DAB2: variants seen among roughly 807,000 people sequenced by gnomAD.
DAB2 encodes the protein disabled homolog 2.
Under a neutral mutation model 71.6 loss-of-function variants are expected in DAB2, and 28 were observed. The observed-to-expected ratio is 0.39, with a 90% CI of 0.29 to 0.54. The LOEUF is 0.54. Among genes scored for constraint, DAB2 ranks in the 20% least tolerant of loss-of-function variants. DAB2 has a pLI of 0.68. For missense variants in DAB2, 867 were observed against 928.8 expected, an observed-to-expected ratio of 0.93 and a Z score of 0.86; for synonymous variants, 345 against 339.7, an observed-to-expected ratio of 1.02 and a Z score of -0.17.
intron 1 of DAB2, among the ~76,000 whole-genome samples, chr5:39,399,030 G>C (rs775355916): frequency 1.3e-5 from 2 of 152,176 alleles, no homozygotes; most frequent in Non-Finnish European, 2.9e-5. Flanking sequence ...AGGACCAAAA[G>C]TCCCCTAGTT....
At chr5:39,417,153 G>C (rs1306732277) in intron 1 of DAB2, 2 of 151,972 alleles carry the variant, frequency 1.3e-5, no homozygotes, top group Non-Finnish European at 2.9e-5. Flanking sequence ...GCGCCTGGTT[G>C]GGGGGTAAGG....
In DAB2 at chr5:39,376,637, G is replaced by C; in HGVS notation, c.2137+13C>G. On this transcript the variant is annotated intron_variant, in intron 12 of 14. Transcript: ENST00000320816. The stretch of plus-strand genomic sequence containing the variant: ...AGTTGTTGGAACAGTAGGCAGAGTG[G>C]TGAGTGGCTTACCATTGATCTTGTT... 6.2e-7 allele frequency: 1 copy of C among 1,611,842 alleles called. No homozygotes were observed. The highest frequency in any genetic ancestry group is 1.1e-5 in the South Asian group (1 of 90,938).
rs187070924 is a variant in DAB2 at position 39,422,869 on chromosome 5, A to T, written c.-102+1935T>A. 3.7e-4 allele frequency among the ~76,000 whole-genome samples: 56 copies of T among 152,346 alleles called. No homozygotes were observed. Among genetic ancestry groups the T allele is most frequent in the Admixed American group, 5.9e-4 (9 of 15,300 alleles). On this transcript the variant is annotated intron_variant, in intron 1 of 14. Transcript: ENST00000320816. This position sits in a 1 kb window ranked among gnomAD's most constrained non-coding sequence, Gnocchi z 4.1. ...CACAGGAATTTGGACTTCCAGTTTA[A>T]TCTGAAACTATAAAAGTCTTTAGCA... is the stretch of plus-strand genomic sequence containing the variant.
At chr5:39,374,888 C>T (rs1031627277) in intron 14 of DAB2, 126 bp downstream of exon 14, 13 of 680,618 alleles carry the variant, frequency 1.9e-5, no homozygotes, top group South Asian at 1.2e-4. Context: ...ATTTTCCTGT[C>T]GATTACTCCT....
intron 1 of DAB2, among the ~76,000 whole-genome samples, chr5:39,406,692 C>T (rs1755616806): frequency 6.6e-6 from 1 of 152,080 alleles, no homozygotes; most frequent in African/African-American, 2.4e-5. Context: ...AGAATAAACC[C>T]GTTTTAAAAT....
chr5:39,391,611 A>G (rs1003769686), intron 4 of DAB2, among the ~76,000 whole-genome samples: 1 of 152,168 alleles, frequency 6.6e-6, no homozygotes, highest in African/African-American at 2.4e-5. Flanking sequence ...AGTATTTTAT[A>G]GCAATGAAAA....
At chr5:39,398,792 C>T (rs1755435878) in intron 1 of DAB2, among the ~76,000 whole-genome samples, 3 of 152,166 alleles carry the variant, frequency 2.0e-5, no homozygotes, top group African/African-American at 4.8e-5. Flanking sequence ...AAGAGCACGT[C>T]CCCATCATAG....
At chr5:39,419,105 G>A (rs1309952559) in intron 1 of DAB2, among the ~76,000 whole-genome samples, 2 of 152,182 alleles carry the variant, frequency 1.3e-5, no homozygotes, top group Non-Finnish European at 2.9e-5. Flanking sequence ...TGTGATCTCT[G>A]TTTGACATCA....
Position 39,376,064 on chromosome 5 carries a change from G to T in DAB2, c.2180C>A (p.Thr727Asn). ...CTCAAATGCATTGTCAGTAGATTTGGTAACTGGCAGGGAAACTTGTCTGGG... is the reference window on the plus strand; with the variant it reads ...CTCAAATGCATTGTCAGTAGATTTGTTAACTGGCAGGGAAACTTGTCTGGG... The part of the protein sequence containing the change: ...PAPRQVSLPV[T>N]KSTDNAFENP... The change falls in exon 13 of 15, where the codon ACC becomes AAC. Residue 727 changes from threonine to asparagine, a missense_variant. Physicochemically the swap from Thr to Asn is moderately conservative, Grantham distance 65 (BLOSUM62 0). Transcript: ENST00000320816. The T allele has an allele frequency of 6.2e-7, 1 of 1,614,068 alleles. No individual in the cohort carries two copies. Among genetic ancestry groups the T allele is most frequent in the Non-Finnish European group, 8.5e-7 (1 of 1,179,978 alleles).
At chr5:39,379,667 T>C (rs1043258596) in intron 11 of DAB2, among the ~76,000 whole-genome samples, 5 of 152,012 alleles carry the variant, frequency 3.3e-5, no homozygotes, top group Non-Finnish European at 7.4e-5. Flanking sequence ...TGAGGCTAGA[T>C]TAAAATACAA....
At chr5:39,389,357 G>A (rs1755171299) in intron 6 of DAB2, among the ~76,000 whole-genome samples, 2 of 151,460 alleles carry the variant, frequency 1.3e-5, no homozygotes, top group African/African-American at 4.9e-5. Context: ...CTCATAGAGA[G>A]AAAAAAAATA....
intron 10 of DAB2, 62 bp downstream of exon 10, chr5:39,382,556 C>A: frequency 6.7e-7 from 1 of 1,493,110 alleles, no homozygotes; most frequent in Non-Finnish European, 9.2e-7. Context: ...GAGCTTGCAT[C>A]ACACCACCCT....
At chr5:39,380,398 G>A (rs1312905180) in intron 11 of DAB2, among the ~76,000 whole-genome samples, 1 of 152,170 alleles carries the variant, frequency 6.6e-6, no homozygotes, top group Non-Finnish European at 1.5e-5. Flanking sequence ...AACAAAACAA[G>A]GATCCTGATG....
chr5:39,375,752 G>A (rs1754811476), intron 13 of DAB2, among the ~76,000 whole-genome samples: 1 of 152,082 alleles, frequency 6.6e-6, no homozygotes, highest in Non-Finnish European at 1.5e-5. Flanking sequence ...CAGGTGTGGT[G>A]GCACGTGCCT....
At position 39,381,588 on chromosome 5, in the gene DAB2, T is replaced by A; in HGVS notation, c.1370A>T (p.Asp457Val). 1 of 1,613,958 alleles carries A rather than the reference T, an allele frequency of 6.2e-7. No homozygotes were observed. Among genetic ancestry groups the A allele is most frequent in the Non-Finnish European group, 8.5e-7 (1 of 1,179,936 alleles). ...KSSANDLLAS[D>V]IFAPPVSEPS... The stretch of plus-strand genomic sequence containing the variant: ...TTCTGAGACGGGAGGAGCAAAGATG[T>A]CTGATGCAAGCAAGTCATTGGCTGA... Residue 457 changes from aspartate (D) to valine (V), a missense_variant, in exon 11 of 15, where the codon GAC becomes GTC. This residue lies in a region of DAB2 where 740 missense variants were observed against 734.3 expected (regional missense o/e 1.01). Transcript: ENST00000320816.
chr5:39,383,878 G>T (rs182897547), intron 9 of DAB2, among the ~76,000 whole-genome samples: 5 of 152,290 alleles, frequency 3.3e-5, no homozygotes, highest in Admixed American at 6.5e-5. Flanking sequence ...TCCTCTAGAG[G>T]TGGGAGAGAG....
intron 11 of DAB2, among the ~76,000 whole-genome samples, chr5:39,378,086 C>A (rs942400042): frequency 1.3e-5 from 2 of 152,166 alleles, no homozygotes; most frequent in Non-Finnish European, 2.9e-5. Context: ...CAATGGGAAA[C>A]AAAAATCTTT....
At chr5:39,395,034 A>G (rs1000371790) in intron 1 of DAB2, among the ~76,000 whole-genome samples, 3 of 152,192 alleles carry the variant, frequency 2.0e-5, no homozygotes, top group Non-Finnish European at 2.9e-5. Flanking sequence ...GGGGGTTCCA[A>G]TTGTGCAATT....
rs184153719 is a variant in DAB2, at chr5:39,396,948, G to A, written c.-101-2527C>T. On this transcript the variant is annotated intron_variant, in intron 1 of 14. Transcript: ENST00000320816. ...CAGCTTCAGAACCACCTCTATCTCCGGTTAGTGAAGCCAGAGCTAGACTGT... is the reference window on the plus strand; with the variant it reads ...CAGCTTCAGAACCACCTCTATCTCCAGTTAGTGAAGCCAGAGCTAGACTGT... Among the ~76,000 whole-genome samples the A allele has an allele frequency of 1.2e-4, 19 of 152,314 alleles. No homozygotes were observed. In the East Asian group the frequency reaches 2.7e-3, roughly 22 times the overall value.
Sources: allele counts gnomAD v4.1 joint callset (sites outside exome capture counted in the v4.1 genomes callset), GRCh38; gene constraint gnomAD v4.1.1; regional missense constraint gnomAD v4.1.1; non-coding constraint Gnocchi (gnomAD v3.1); transcripts MANE v1.5; gene names NCBI Gene and HGNC (gene_info 2026-07-23, HGNC 2026-07-21).